ACOT11: variants seen among roughly 807,000 people sequenced by gnomAD.
The protein encoded by ACOT11 is acyl-CoA thioesterase 11.
In ACOT11, 69 loss-of-function variants were observed where a neutral mutation model predicts 77.5. The ratio of observed to expected loss-of-function variants is 0.89; its 90% CI spans 0.73 to 1.09. ACOT11 has a LOEUF of 1.09. Ranked by LOEUF, ACOT11 falls within the 50% of genes least tolerant of loss-of-function variation. The pLI, the probability that ACOT11 is intolerant of heterozygous loss-of-function variation, is 0.00. For missense variants in ACOT11, 766 were observed against 813.7 expected (o/e 0.94, Z 0.71); for synonymous variants, 279 against 313.0 (o/e 0.89, Z 1.15).
At chr1:54,604,008 C>A in intron 11 of ACOT11, 71 bp downstream of exon 11, 1 of 1,454,150 alleles carries the variant, frequency 6.9e-7, no homozygotes. Context: ...CTTGTCAGAA[C>A]GGGTTTGGAG....
intron 1 of ACOT11, among the ~76,000 whole-genome samples, chr1:54,558,120 C>T (rs774603282): frequency 2.0e-5 from 3 of 152,152 alleles, no homozygotes; most frequent in Non-Finnish European, 4.4e-5. Flanking sequence ...GTTCCCTCCA[C>T]GGGTACTTAC....
At chr1:54,620,845 CAAAAAAAAAAAAAAAAAAAA>C (rs767625864) in intron 15 of ACOT11, among the ~76,000 whole-genome samples, 1 of 12,118 alleles carries the variant, frequency 8.3e-5, no homozygotes, top group African/African-American at 3.1e-4. Flanking sequence ...GAGACTCTGT[CAAAAAAAAAAAAAAAAAAAA>C]AAAAAAAAAA....
chr1:54,562,735 C>T lies in ACOT11; in HGVS notation c.33+14393C>T, dbSNP rs1041015840. 6.7e-5 allele frequency among the ~76,000 whole-genome samples: 5 copies of T among 74,664 alleles called. 1 individual carries two copies. The highest frequency in any genetic ancestry group is 6.6e-4 in the East Asian group (2 of 3,012). 49.0% of individuals were successfully genotyped at this position (74,664 alleles called of 152,430 possible). ...GCTCCTCACCTCCCAGACGGGGTCT[C>T]GGCCGGGCAGAGGCGCTCCTCACAT... is the stretch of plus-strand genomic sequence containing the variant. On this transcript the variant is annotated intron_variant, in intron 1 of 15. Transcript: ENST00000343744.
At chr1:54,575,518 C>A (rs549240427) in intron 1 of ACOT11, among the ~76,000 whole-genome samples, 1 of 152,072 alleles carries the variant, frequency 6.6e-6, no homozygotes, top group Non-Finnish European at 1.5e-5. Context: ...ACCTCAAGGT[C>A]CATATTCTCC....
At chr1:54,594,510 A>G in intron 5 of ACOT11, 46 bp from the exon 6 acceptor site, 2 of 1,582,142 alleles carry the variant, frequency 1.3e-6, no homozygotes, top group South Asian at 1.2e-5. Flanking sequence ...GTGCTATTTC[A>G]GGAGACTTGC....
chr1:54,574,884 C>T (rs1285532731), intron 1 of ACOT11, among the ~76,000 whole-genome samples: 3 of 152,256 alleles, frequency 2.0e-5, no homozygotes, highest in African/African-American at 7.2e-5. Context: ...ACACCGCTTC[C>T]TCACACGTGC....
chr1:54,581,333 G>C (rs901927360), intron 1 of ACOT11, among the ~76,000 whole-genome samples: 1 of 151,998 alleles, frequency 6.6e-6, no homozygotes, highest in South Asian at 2.1e-4. Context: ...CCAGTAGCCT[G>C]TGGGCCCAGT....
chr1:54,626,299 CAAGAA>C (rs1025211285), intron 15 of ACOT11, among the ~76,000 whole-genome samples: 16 of 151,846 alleles, frequency 1.1e-4, no homozygotes, highest in Middle Eastern at 3.4e-3. Context: ...AGAGAAAAGA[CAAGAA>C]AAGAAAAGAA....
downstream of ACOT11, chr1:54,610,812 C>T (rs1264127975): frequency 1.3e-5 from 13 of 985,226 alleles, no homozygotes; most frequent in Middle Eastern, 5.2e-4. Flanking sequence ...GTATCCTTCC[C>T]GCTCGCTTAG....
chr1:54,568,521 C>T (rs1476165939), intron 1 of ACOT11, among the ~76,000 whole-genome samples: 2 of 151,844 alleles, frequency 1.3e-5, no homozygotes, highest in Admixed American at 1.3e-4. Flanking sequence ...TGCACCATCA[C>T]GCCTGGCTAA....
chr1:54,612,535 C>T (rs1451616921), downstream of ACOT11: 4 of 1,613,900 alleles, frequency 2.5e-6, no homozygotes, highest in African/African-American at 2.7e-5. Context: ...GCAGCCCGCA[C>T]CATGGAAGAC....
chr1:54,573,000 A>T, intron 1 of ACOT11: 1 of 985,440 alleles, frequency 1.0e-6, no homozygotes, highest in Non-Finnish European at 1.2e-6. Flanking sequence ...CCAGTGGGAC[A>T]GTGTTCTGGA....
chr1:54,562,291 ACGGGGCGGC>A (rs1653540131), intron 1 of ACOT11, among the ~76,000 whole-genome samples: 1 of 99,392 alleles, frequency 1.0e-5, no homozygotes, highest in African/African-American at 4.6e-5. Flanking sequence ...TCCCTCCCGG[ACGGGGCGGC>A]TGGCCGGGTG....
At chr1:54,576,027 G>T (rs182284731) in intron 1 of ACOT11, among the ~76,000 whole-genome samples, 39 of 152,288 alleles carry the variant, frequency 2.6e-4, no homozygotes, top group African/African-American at 9.4e-4. Flanking sequence ...AGCCAAACAA[G>T]GAGGTGGGAG....
chr1:54,610,682 A>G (rs889916148), downstream of ACOT11: 2 of 1,434,858 alleles, frequency 1.4e-6, no homozygotes, highest in Non-Finnish European at 1.8e-6. Context: ...CCTGCCAAGT[A>G]GCTCTCATTT....
rs370322968 is a variant in ACOT11 at position 54,609,930 on chromosome 1, TGCCTTCTGTGTCTGGAAGAG to T, written c.*821_*840del. On this transcript the variant is annotated 3_prime_UTR_variant, in exon 16 of 16. Coordinates refer to ENST00000343744, the MANE Select transcript of ACOT11 (RefSeq NM_147161.4). ...TCGAGGCCAGTGTTCAGCAGGATCA[TGCCTTCTGTGTCTGGAAGAG>T]GCGGCAGAGGCAACAGTGTTTAGGA... 10 of 1,604,752 alleles carry T rather than the reference TGCCTTCTGTGTCTGGAAGAG, an allele frequency of 6.2e-6. No individual in the cohort carries two copies. In the African/African-American group the frequency reaches 1.3e-4, roughly 21 times the overall value.
At chr1:54,550,934 G>A (rs956401184) in intron 1 of ACOT11, among the ~76,000 whole-genome samples, 1 of 151,726 alleles carries the variant, frequency 6.6e-6, no homozygotes, top group Non-Finnish European at 1.5e-5. Context: ...GAGGCCAGGA[G>A]TTCGAGACCA....
intron 1 of ACOT11, among the ~76,000 whole-genome samples, chr1:54,553,460 T>G (rs1311204525): frequency 6.6e-6 from 1 of 151,124 alleles, no homozygotes; most frequent in Non-Finnish European, 1.5e-5. Flanking sequence ...CGAACAAGAC[T>G]CTGTCTCAAA....
intron 1 of ACOT11, among the ~76,000 whole-genome samples, chr1:54,554,347 A>ATTT (rs1298114647): frequency 3.3e-4 from 32 of 98,410 alleles, no homozygotes; most frequent in Middle Eastern, 4.6e-3. Flanking sequence ...ATATATATAT[A>ATTT]TATATTTTTT....
Sources: allele counts gnomAD v4.1 joint callset (sites outside exome capture counted in the v4.1 genomes callset), GRCh38; gene constraint gnomAD v4.1.1; transcripts MANE v1.5; gene names NCBI Gene and HGNC (gene_info 2026-07-23, HGNC 2026-07-21).